The following COLEC12 variants were observed in gnomAD, a reference collection of about 807,000 sequenced individuals.
COLEC12 encodes the protein collectin subfamily member 12, also known as collectin-12.
A neutral mutation model predicts 71.1 loss-of-function variants in COLEC12; 33 were observed. That is an observed-to-expected ratio of 0.46 (90% CI 0.35 to 0.62). COLEC12 has a LOEUF of 0.62. Ranked by LOEUF, COLEC12 falls within the 20% of genes least tolerant of loss-of-function variation. The pLI is 0.00. For missense variants in COLEC12, 765 were observed against 916.1 expected (o/e 0.84, Z 2.13); for synonymous variants, 350 against 353.0 (o/e 0.99, Z 0.10).
chr18:367,271 C>T (rs532544448), intron 2 of COLEC12, among the ~76,000 whole-genome samples: 6 of 152,274 alleles, frequency 3.9e-5, no homozygotes, highest in South Asian at 2.1e-4. Context: ...TGTTTGTCAA[C>T]GACACAGTGT....
Position 379,131 on chromosome 18 carries a change from T to G in COLEC12, c.59-21609A>C, listed in dbSNP as rs72859256. Among the ~76,000 whole-genome samples the G allele has an allele frequency of 4.5e-3, 677 of 151,888 alleles. 1 individual carries two copies. Among genetic ancestry groups the G allele is most frequent in the Non-Finnish European group, 7.7e-3 (526 of 67,916 alleles). On this transcript the variant is annotated intron_variant, in intron 2 of 9. Coordinates refer to ENST00000400256, the MANE Select transcript of COLEC12 (RefSeq NM_130386.3). ...AAAAGAAGGTTTTGTTTTTGTTTTT[T>G]TTTTTCTTTGAGACAGGGTCTTGCT... is the stretch of plus-strand genomic sequence containing the variant.
chr18:423,172 G>C (rs1441303333), intron 2 of COLEC12, among the ~76,000 whole-genome samples: 2 of 152,172 alleles, frequency 1.3e-5, no homozygotes, highest in Non-Finnish European at 2.9e-5. Flanking sequence ...GGGAAGATGA[G>C]GTGGGAGGAC....
intron 2 of COLEC12, among the ~76,000 whole-genome samples, chr18:392,657 C>G (rs931353573): frequency 4.6e-5 from 7 of 152,198 alleles, no homozygotes; most frequent in African/African-American, 1.7e-4. Context: ...GGCCAAATCT[C>G]AAAAGGTGCT....
In COLEC12 at chr18:340,086, A is replaced by AC. The variant is rs939983961; in HGVS notation, c.1328-4857_1328-4856insG. On this transcript the variant is annotated intron_variant, in intron 5 of 9. Coordinates refer to ENST00000400256, the MANE Select transcript of COLEC12 (RefSeq NM_130386.3). ...TAGTGCCTGAAAGCAAAAAAAAAAA[A>AC]AAAAACAAAAAGAACAGAGTGTTTA... 2.1e-4 allele frequency among the ~76,000 whole-genome samples: 32 copies of AC among 151,010 alleles called. 1 individual carries two copies. The highest frequency in any genetic ancestry group is 1.9e-3 in the South Asian group (9 of 4,784).
intron 1 of COLEC12, among the ~76,000 whole-genome samples, chr18:488,734 G>A (rs751940418): frequency 6.6e-6 from 1 of 151,156 alleles, no homozygotes; most frequent in East Asian, 2.0e-4. Context: ...TTCGCTGGGC[G>A]TGCTGGTGTG....
chr18:425,784 C>T (rs926631244), intron 2 of COLEC12, among the ~76,000 whole-genome samples: 2 of 152,134 alleles, frequency 1.3e-5, no homozygotes, highest in African/African-American at 4.8e-5. Context: ...AAAGACATCT[C>T]TATGTGATTT....
chr18:473,006 G>A (rs1332092235), intron 2 of COLEC12, among the ~76,000 whole-genome samples: 1 of 151,888 alleles, frequency 6.6e-6, no homozygotes, highest in Non-Finnish European at 1.5e-5. Flanking sequence ...TATATATTAT[G>A]GTTTTATAAT....
At position 330,419 on chromosome 18, in the gene COLEC12, C is replaced by T. The variant is rs551919203; in HGVS notation, c.2063+1249G>A. ...AGAAGGTGCTTCCAATGCGGTGATG[C>T]TCCTGTGCCTGGTGGAGCCCTGCAG... On this transcript the variant is annotated intron_variant, in intron 8 of 9. Transcript: ENST00000400256. Among the ~76,000 whole-genome samples the T allele has an allele frequency of 2.8e-4, 42 of 152,266 alleles. 1 individual carries two copies. The South Asian group carries it at 8.7e-3, about 32-fold the overall frequency.
At chr18:333,221 G>A in intron 6 of COLEC12, 78 bp from the exon 7 acceptor site, 1 of 1,288,950 alleles carries the variant, frequency 7.8e-7, no homozygotes, top group Non-Finnish European at 1.1e-6. Flanking sequence ...TGTTTCAGAG[G>A]CCAAAACTGT....
At chr18:368,591 G>A (rs1002357107) in intron 2 of COLEC12, among the ~76,000 whole-genome samples, 47 of 151,010 alleles carry the variant, frequency 3.1e-4, no homozygotes, top group Non-Finnish European at 4.4e-4. Flanking sequence ...AAGGCCGGGC[G>A]CGGTGGCTCA....
intron 2 of COLEC12, among the ~76,000 whole-genome samples, chr18:386,265 C>T (rs1374813035): frequency 6.6e-6 from 1 of 152,164 alleles, no homozygotes; most frequent in Non-Finnish European, 1.5e-5. Context: ...TGTTGAGCAC[C>T]AACTGTACAA....
At chr18:496,130 G>A (rs563903292) in intron 1 of COLEC12, among the ~76,000 whole-genome samples, 61 of 152,220 alleles carry the variant, frequency 4.0e-4, no homozygotes, top group Middle Eastern at 6.8e-3. Context: ...ATTTGGCAGC[G>A]GTTGCAAGAG....
intron 3 of COLEC12, among the ~76,000 whole-genome samples, chr18:350,629 T>TAA (rs112955441): frequency 2.7e-5 from 4 of 150,882 alleles, no homozygotes; most frequent in South Asian, 2.1e-4. Context: ...ATCAATAGCT[T>TAA]AAAAAAAAAG....
chr18:481,241 T>G (rs1917409529), intron 1 of COLEC12, among the ~76,000 whole-genome samples: 3 of 152,282 alleles, frequency 2.0e-5, no homozygotes, highest in South Asian at 2.1e-4. Flanking sequence ...GGTCATCTCC[T>G]TCACTAACTG....
chr18:383,395 GGAGGGA>G (rs1915275787), intron 2 of COLEC12, among the ~76,000 whole-genome samples: 1 of 152,080 alleles, frequency 6.6e-6, no homozygotes, highest in Non-Finnish European at 1.5e-5. Flanking sequence ...TGAGGTCTCA[GGAGGGA>G]GATGTATGTG....
intron 2 of COLEC12, among the ~76,000 whole-genome samples, chr18:388,741 C>T (rs1309401583): frequency 1.3e-5 from 2 of 152,188 alleles, no homozygotes; most frequent in African/African-American, 4.8e-5. Flanking sequence ...CCTGTGGCCA[C>T]CCAGGTCCCA....
At chr18:395,742 C>T (rs1915557376) in intron 2 of COLEC12, among the ~76,000 whole-genome samples, 1 of 152,170 alleles carries the variant, frequency 6.6e-6, no homozygotes, top group South Asian at 2.1e-4. Flanking sequence ...TCACCCATCA[C>T]CCAATGTTTC....
chr18:427,991 G>A (rs778355742), intron 2 of COLEC12, among the ~76,000 whole-genome samples: 1 of 152,048 alleles, frequency 6.6e-6, no homozygotes, highest in Non-Finnish European at 1.5e-5. Flanking sequence ...CTGGCCGGGC[G>A]TGGTGGCTCA....
At chr18:331,517 G>A in intron 8 of COLEC12, 151 bp downstream of exon 8, 1 of 552,174 alleles carries the variant, frequency 1.8e-6, no homozygotes, top group Non-Finnish European at 3.2e-6. Context: ...ATTTCCCCAG[G>A]GGAAATATGC....
Sources: gnomAD v4.1 joint callset for allele counts (sites outside exome capture counted in the v4.1 genomes callset) on GRCh38, gnomAD v4.1.1 for gene constraint, MANE v1.5 for transcripts, NCBI Gene and HGNC (gene_info 2026-07-23, HGNC 2026-07-21) for gene names.